Variants in MARCHF5 observed in about 807,000 individuals in gnomAD.
MARCHF5 encodes the protein membrane associated ring-CH-type finger 5, also known as E3 ubiquitin-protein ligase MARCHF5.
In MARCHF5, 5 loss-of-function variants were observed where a neutral mutation model predicts 36.5. That is an observed-to-expected ratio of 0.14 (90% CI 0.07 to 0.29). The LOEUF (loss-of-function observed/expected upper bound fraction) is 0.29, where lower values mean the gene tolerates loss of function less well. Ranked by LOEUF, MARCHF5 falls within the 10% of genes least tolerant of loss-of-function variation. MARCHF5 has a pLI of 1.00. For missense variants in MARCHF5, 179 were observed against 336.3 expected, an observed-to-expected ratio of 0.53 and a Z score of 3.66; for synonymous variants, 103 against 109.9, an observed-to-expected ratio of 0.94 and a Z score of 0.39.
intron 2 of MARCHF5, among the ~76,000 whole-genome samples, chr10:92,314,368 G>A (rs1309416831): frequency 6.6e-6 from 1 of 152,200 alleles, no homozygotes; most frequent in Non-Finnish European, 1.5e-5. Context: ...TATCCGCTGG[G>A]CACGGTGGCT....
intron 2 of MARCHF5, among the ~76,000 whole-genome samples, chr10:92,322,599 C>T (rs1012252198): frequency 6.6e-6 from 1 of 150,698 alleles, no homozygotes; most frequent in African/African-American, 2.4e-5. Flanking sequence ...ATCACCATAC[C>T]CAGCTAGTTT....
chr10:92,332,801 G>A (rs1843452531), intron 2 of MARCHF5, among the ~76,000 whole-genome samples: 1 of 151,470 alleles, frequency 6.6e-6, no homozygotes, highest in African/African-American at 2.4e-5. Context: ...TTACAGGTGT[G>A]AGCCACCGCA....
At chr10:92,340,001 T>G (rs142234639) in intron 2 of MARCHF5, among the ~76,000 whole-genome samples, 23 of 152,320 alleles carry the variant, frequency 1.5e-4, no homozygotes, top group Non-Finnish European at 3.2e-4. Context: ...CAAAGAGAGA[T>G]AAATTGACAT....
At chr10:92,297,238 C>T (rs1165607448) in intron 1 of MARCHF5, among the ~76,000 whole-genome samples, 1 of 150,610 alleles carries the variant, frequency 6.6e-6, no homozygotes, top group Non-Finnish European at 1.5e-5. Flanking sequence ...ACAGTCACGG[C>T]TCACTACAGC....
At chr10:92,305,626 G>A (rs1487155125) in intron 1 of MARCHF5, among the ~76,000 whole-genome samples, 1 of 152,140 alleles carries the variant, frequency 6.6e-6, no homozygotes, top group Non-Finnish European at 1.5e-5. Context: ...ATCACACTGA[G>A]GACTGAGTTC....
rs1843737103 is a variant in MARCHF5 at position 92,353,132 on chromosome 10, G to A, written c.*1925G>A. The A allele has an allele frequency of 1.3e-5, 2 of 152,106 alleles. No individual in the cohort carries two copies. The highest frequency in any genetic ancestry group is 4.8e-5 in the African/African-American group (2 of 41,428). The allele number at this position is 152,106 out of a possible 1,614,324, so 9.4% of individuals were successfully genotyped here. On this transcript the variant is annotated 3_prime_UTR_variant, in exon 6 of 6. Transcript: ENST00000358935. ...CTAATCCTTTTGGGGCAGGAGGGAG[G>A]GTTTTTTTAGGGTTGCGGGGAGGGA...
At chr10:92,339,223 A>T (rs1432526007) in intron 2 of MARCHF5, among the ~76,000 whole-genome samples, 1 of 149,526 alleles carries the variant, frequency 6.7e-6, no homozygotes, top group Non-Finnish European at 1.5e-5. Flanking sequence ...TACAAAAATT[A>T]GTTGGGCGTG....
chr10:92,353,332 C>T lies in MARCHF5; in HGVS notation c.*2125C>T, dbSNP rs999115948. The stretch of plus-strand genomic sequence containing the variant: ...TAGGCAGACTTAAAGTTGGATAGAC[C>T]TGGGTTCAAATCATAGTTCAGCTTT... On this transcript the variant is annotated 3_prime_UTR_variant, in exon 6 of 6. Coordinates refer to ENST00000358935, the MANE Select transcript of MARCHF5 (RefSeq NM_017824.5). 2.0e-5 allele frequency: 3 copies of T among 152,180 alleles called. No homozygotes were observed. The highest frequency in any genetic ancestry group is 4.4e-5 in the Non-Finnish European group (3 of 68,042). 9.4% of individuals were successfully genotyped at this position (152,180 alleles called of 1,614,324 possible). A position where few individuals can be genotyped will look rare whatever the true frequency, so the allele number is the denominator to read the frequency against.
At position 92,347,455 on chromosome 10, in the gene MARCHF5, C is replaced by T. The variant is rs897385837; in HGVS notation, c.370-1894C>T. Among the ~76,000 whole-genome samples the T allele has an allele frequency of 2.0e-5, 3 of 149,168 alleles. No homozygotes were observed. The Admixed American group carries it at 2.0e-4, about 10-fold the overall frequency. On this transcript the variant is annotated intron_variant, in intron 3 of 5. Coordinates refer to ENST00000358935, the MANE Select transcript of MARCHF5 (RefSeq NM_017824.5). ...AGCCAAGATCATGCCAAGACTGAAA[C>T]TCCGTCTCAGATAGATAGATAGATA...
chr10:92,349,302 C>T, intron 3 of MARCHF5, 47 bp from the exon 4 acceptor site: 6 of 1,365,588 alleles, frequency 4.4e-6, no homozygotes, highest in African/African-American at 2.9e-5. Context: ...CATGCAACAC[C>T]TCATTTGAAA....
At chr10:92,346,614 G>A (rs549015312) in intron 3 of MARCHF5, among the ~76,000 whole-genome samples, 19 of 144,324 alleles carry the variant, frequency 1.3e-4, no homozygotes, top group Middle Eastern at 4.1e-3. Context: ...TCAGCCTCCC[G>A]AGTAGTTGGG....
intron 1 of MARCHF5, among the ~76,000 whole-genome samples, chr10:92,295,616 G>C (rs1842941426): frequency 1.3e-5 from 2 of 151,398 alleles, no homozygotes; most frequent in African/African-American, 4.8e-5. Flanking sequence ...CACCGTGTTA[G>C]CCAGGATGGT....
intron 1 of MARCHF5, among the ~76,000 whole-genome samples, chr10:92,309,659 A>T (rs746692652): frequency 1.3e-5 from 2 of 152,164 alleles, no homozygotes; most frequent in African/African-American, 4.8e-5. Flanking sequence ...CCTGTGTGCT[A>T]GTATACTTAC....
At chr10:92,342,074 C>T (rs1017367248) in intron 3 of MARCHF5, among the ~76,000 whole-genome samples, 12 of 151,322 alleles carry the variant, frequency 7.9e-5, no homozygotes, top group African/African-American at 1.2e-4. Context: ...GCTGGAGGTA[C>T]GGGTGTAAGC....
chr10:92,299,496 T>G lies in MARCHF5; in HGVS notation c.35+7967T>G, dbSNP rs776258250. ...TCCTCCCTCCTAACACCTGGTGAAGTCTTACCCATATTGAATTCAGCTGAA... is the reference window on the plus strand; with the variant it reads ...TCCTCCCTCCTAACACCTGGTGAAGGCTTACCCATATTGAATTCAGCTGAA... On this transcript the variant is annotated intron_variant, in intron 1 of 5. Coordinates refer to ENST00000358935, the MANE Select transcript of MARCHF5 (RefSeq NM_017824.5). Among the ~76,000 whole-genome samples, 64 of 152,262 alleles carry G rather than the reference T, an allele frequency of 4.2e-4. 1 individual carries two copies. Among genetic ancestry groups the G allele is most frequent in the Middle Eastern group, 3.4e-3 (1 of 294 alleles).
intron 2 of MARCHF5, among the ~76,000 whole-genome samples, chr10:92,328,500 T>C (rs1409997667): frequency 6.6e-6 from 1 of 151,720 alleles, no homozygotes; most frequent in Non-Finnish European, 1.5e-5. Flanking sequence ...ATTTTGTGCA[T>C]TCTATTTGTC....
At chr10:92,296,726 G>C (rs1842952426) in intron 1 of MARCHF5, among the ~76,000 whole-genome samples, 1 of 152,120 alleles carries the variant, frequency 6.6e-6, no homozygotes, top group African/African-American at 2.4e-5. Context: ...CCCCAGAATG[G>C]TCAGATGGCA....
chr10:92,304,827 A>G (rs771515928), intron 1 of MARCHF5, among the ~76,000 whole-genome samples: 1 of 152,144 alleles, frequency 6.6e-6, no homozygotes, highest in African/African-American at 2.4e-5. Context: ...TGGACCCCAG[A>G]TTAAGAACCC....
chr10:92,304,804 C>A (rs1361360926), intron 1 of MARCHF5, among the ~76,000 whole-genome samples: 3 of 152,102 alleles, frequency 2.0e-5, no homozygotes, highest in Non-Finnish European at 2.9e-5. Context: ...ATCCCCACCC[C>A]CTAAGTTTTT....
Sources: allele counts gnomAD v4.1 joint callset (sites outside exome capture counted in the v4.1 genomes callset), GRCh38; gene constraint gnomAD v4.1.1; transcripts MANE v1.5; gene names NCBI Gene and HGNC (gene_info 2026-07-23, HGNC 2026-07-21).